ARPC3: variants seen among roughly 807,000 people sequenced by gnomAD.
ARPC3 encodes the protein actin related protein 2/3 complex subunit 3, also known as actin-related protein 2/3 complex subunit 3.
In ARPC3, 12 loss-of-function variants were observed where a neutral mutation model predicts 27.6. The ratio of observed to expected loss-of-function variants is 0.43; its 90% CI spans 0.28 to 0.70. ARPC3 has a LOEUF of 0.70. ARPC3 is among the 30% of genes least tolerant of loss of function. The probability of loss-of-function intolerance (pLI) is 0.17; values close to 1 mark genes in which losing one functional copy is unlikely to be tolerated. For missense variants in ARPC3, 153 were observed against 207.7 expected (o/e 0.74, Z 1.62); for synonymous variants, 53 against 67.2 (o/e 0.79, Z 1.03).
chr12:110,450,083 C>G (rs1279335962), intron 1 of ARPC3, among the ~76,000 whole-genome samples, 172 bp downstream of exon 1: 2 of 152,178 alleles, frequency 1.3e-5, no homozygotes, highest in Non-Finnish European at 2.9e-5. Context: ...ACGACTGGCA[C>G]CCCCGGGCCG....
chr12:110,444,113 G>A (rs1052269236), intron 2 of ARPC3, among the ~76,000 whole-genome samples: 8 of 151,854 alleles, frequency 5.3e-5, no homozygotes, highest in Non-Finnish European at 1.2e-4. Flanking sequence ...GGGATTACAG[G>A]CATGCGCCAC....
At chr12:110,436,285 G>A (rs532068844) in intron 5 of ARPC3, 81 bp from the exon 6 acceptor site, 2 of 1,195,598 alleles carry the variant, frequency 1.7e-6, no homozygotes, top group Non-Finnish European at 2.5e-6. Context: ...TGCTCACTGT[G>A]GTAATACATT....
intron 2 of ARPC3, among the ~76,000 whole-genome samples, chr12:110,441,490 C>T (rs925545399): frequency 5.9e-5 from 9 of 151,998 alleles, no homozygotes; most frequent in Non-Finnish European, 8.8e-5. Flanking sequence ...TTATTGTTTT[C>T]GTAAAACTTA....
At chr12:110,444,923 G>C (rs1418965265) in intron 2 of ARPC3, 2 of 176,096 alleles carry the variant, frequency 1.1e-5, no homozygotes, top group Admixed American at 1.1e-4. Flanking sequence ...CATCAGAAGA[G>C]TCTCAGACAG....
intron 3 of ARPC3, among the ~76,000 whole-genome samples, chr12:110,438,132 C>T (rs184538440): frequency 7.5e-4 from 114 of 151,758 alleles, no homozygotes; most frequent in African/African-American, 2.7e-3. Context: ...ACCGTCTCTA[C>T]TAAAAATACA....
At chr12:110,448,824 C>T (rs1170967871) in intron 1 of ARPC3, among the ~76,000 whole-genome samples, 11 of 129,126 alleles carry the variant, frequency 8.5e-5, no homozygotes, top group African/African-American at 2.6e-4. Context: ...TGTCACTAGA[C>T]GAGTGCAGTG....
chr12:110,434,889 G>C lies in ARPC3; in HGVS notation c.*266C>G. 1 of 626,246 alleles carries C rather than the reference G, an allele frequency of 1.6e-6. No individual in the cohort carries two copies. Among genetic ancestry groups the C allele is most frequent in the Non-Finnish European group, 2.9e-6 (1 of 343,408 alleles). The allele number at this position is 626,246 out of a possible 1,614,324, so 38.8% of individuals were successfully genotyped here. ...GTGAATGTCAAAGACTGGCAATAAA[G>C]TTTTTCTGACATGGAATGTTAGAAA... On this transcript the variant is annotated 3_prime_UTR_variant, in exon 7 of 7. Coordinates refer to ENST00000228825, the MANE Select transcript of ARPC3 (RefSeq NM_001278556.2).
At chr12:110,436,882 C>T in intron 4 of ARPC3, 199 bp from the exon 5 acceptor site, 1 of 661,738 alleles carries the variant, frequency 1.5e-6, no homozygotes. Flanking sequence ...CCTTAAAACA[C>T]CACTACTTTT....
intron 3 of ARPC3, 97 bp from the exon 4 acceptor site, chr12:110,437,249 A>G (rs2135498237): frequency 1.2e-6 from 1 of 844,842 alleles, no homozygotes; most frequent in South Asian, 1.4e-5. Context: ...TATCTGCTGA[A>G]TGCAGTGGTA....
In ARPC3 at chr12:110,437,068, A is replaced by C; in HGVS notation, c.252+16T>G. On this transcript the variant is annotated intron_variant, in intron 4 of 6. Coordinates refer to ENST00000228825, the MANE Select transcript of ARPC3 (RefSeq NM_001278556.2). Reference sequence around the variant, plus strand: ...CAATTTGTTTTCCTGATATACAATCATCCAAGTTTAATTACCTTTTGCAGT... The same window carrying C: ...CAATTTGTTTTCCTGATATACAATCCTCCAAGTTTAATTACCTTTTGCAGT... 1 of 1,546,482 alleles carries C rather than the reference A, an allele frequency of 6.5e-7. No individual in the cohort carries two copies. The highest frequency in any genetic ancestry group is 1.1e-5 in the South Asian group (1 of 89,718).
rs200765807 is a variant in ARPC3, at chr12:110,438,652, T to TA, written c.184-1501_184-1500insT. Among the ~76,000 whole-genome samples the TA allele has an allele frequency of 7.4e-3, 1,037 of 140,712 alleles. 16 individuals carry two copies. The highest frequency in any genetic ancestry group is 0.025 in the African/African-American group (980 of 39,614). The allele number at this position is 140,712 out of a possible 152,430, so 92.3% of individuals were successfully genotyped here. ...CCAAACCACACCATTTTCCTATATA[T>TA]TTTTTTTTTTTTGAGTGTTTCACTT... On this transcript the variant is annotated intron_variant, in intron 3 of 6. Transcript: ENST00000228825.
At chr12:110,435,969 A>T in intron 6 of ARPC3, 141 bp downstream of exon 6, 1 of 775,436 alleles carries the variant, frequency 1.3e-6, no homozygotes, top group Non-Finnish European at 2.3e-6. Context: ...CATATTACAT[A>T]CTAGACATAT....
At position 110,450,282 on chromosome 12, in the gene ARPC3, A is replaced by T; in HGVS notation, c.-22T>A. On this transcript the variant is annotated 5_prime_UTR_variant, in exon 1 of 7. The change creates a new upstream start codon in the 5' untranslated region. Coordinates refer to ENST00000228825, the MANE Select transcript of ARPC3 (RefSeq NM_001278556.2). ...GCATCTTGGCGGCGCCCGGGTTTCA[A>T]CCCAGAGGAGCAGGATCCAGGTACA... The T allele has an allele frequency of 6.2e-7, 1 of 1,613,930 alleles. No individual in the cohort carries two copies. The highest frequency in any genetic ancestry group is 8.5e-7 in the Non-Finnish European group (1 of 1,179,944).
chr12:110,446,873 C>T (rs1463991694), intron 1 of ARPC3, among the ~76,000 whole-genome samples: 1 of 152,196 alleles, frequency 6.6e-6, no homozygotes, highest in Non-Finnish European at 1.5e-5. Flanking sequence ...TCCCAAAGTG[C>T]TGGGATTACA....
At chr12:110,438,053 T>C (rs1243231764) in intron 3 of ARPC3, among the ~76,000 whole-genome samples, 1 of 152,018 alleles carries the variant, frequency 6.6e-6, no homozygotes, top group Non-Finnish European at 1.5e-5. Context: ...CCCAGCACTT[T>C]GGGAGGTTGA....
At chr12:110,442,662 ATAATT>A (rs2062444365) in intron 2 of ARPC3, 1 of 151,918 alleles carries the variant, frequency 6.6e-6, no homozygotes, top group Non-Finnish European at 1.5e-5. Context: ...AGTATTCAAT[ATAATT>A]TTATTTGAAT....
At chr12:110,447,394 C>T (rs898970028) in intron 1 of ARPC3, among the ~76,000 whole-genome samples, 14 of 152,182 alleles carry the variant, frequency 9.2e-5, no homozygotes, top group African/African-American at 3.1e-4. Flanking sequence ...TTGCTAAGCA[C>T]CTTCTATGTG....
chr12:110,446,900 C>G, intron 1 of ARPC3, among the ~76,000 whole-genome samples: 1 of 152,230 alleles, frequency 6.6e-6, no homozygotes, highest in East Asian at 1.9e-4. Context: ...AGCCACTGCA[C>G]CCGGCAATAA....
chr12:110,450,337 C>A lies in ARPC3; in HGVS notation c.-77G>T, dbSNP rs1346555333. 3 of 1,597,784 alleles carry A rather than the reference C, an allele frequency of 1.9e-6. No homozygotes were observed. The highest frequency in any genetic ancestry group is 4.5e-5 in the East Asian group (2 of 44,654). ...AGCGCTTCCGGTCTGGCAGCCTGGG[C>A]GAGGTAGGCGGAAGCGAAACGGAAG... On this transcript the variant is annotated 5_prime_UTR_variant, in exon 1 of 7. Coordinates refer to ENST00000228825, the MANE Select transcript of ARPC3 (RefSeq NM_001278556.2).
Sources: allele counts gnomAD v4.1 joint callset (sites outside exome capture counted in the v4.1 genomes callset), GRCh38; gene constraint gnomAD v4.1.1; transcripts MANE v1.5; gene names NCBI Gene and HGNC (gene_info 2026-07-23, HGNC 2026-07-21).